Variants in SPAG16 observed in about 807,000 individuals in gnomAD.
The protein encoded by SPAG16 is sperm-associated antigen 16 protein.
A neutral mutation model predicts 80.4 loss-of-function variants in SPAG16; 86 were observed. That is an observed-to-expected ratio of 1.07 (90% CI 0.90 to 1.28). The LOEUF (loss-of-function observed/expected upper bound fraction) is 1.28. SPAG16 is among the 50% of genes most tolerant of loss of function. SPAG16 has a pLI of 0.00. For synonymous variants in SPAG16, 294 were observed against 265.9 expected (o/e 1.11, Z -1.03); for missense variants, 870 against 765.3 (o/e 1.14, Z -1.61).
intron 15 of SPAG16, among the ~76,000 whole-genome samples, chr2:214,269,697 T>C (rs1691850236): frequency 1.3e-5 from 2 of 152,078 alleles, no homozygotes; most frequent in African/African-American, 4.8e-5. Context: ...GTGAAACATA[T>C]GTCATGTAGC....
intron 10 of SPAG16, among the ~76,000 whole-genome samples, chr2:213,651,873 G>T (rs1032558315): frequency 2.6e-5 from 4 of 152,106 alleles, no homozygotes; most frequent in African/African-American, 9.7e-5. Flanking sequence ...ATTCAATCAT[G>T]TGGAAAATAC....
chr2:214,277,465 G>A (rs1692557892), intron 15 of SPAG16, among the ~76,000 whole-genome samples: 1 of 152,128 alleles, frequency 6.6e-6, no homozygotes, highest in Non-Finnish European at 1.5e-5. Flanking sequence ...TACCAATGGG[G>A]TTTTGGTGTG....
chr2:213,308,947 G>T (rs958375592), intron 3 of SPAG16, among the ~76,000 whole-genome samples: 5 of 152,064 alleles, frequency 3.3e-5, no homozygotes, highest in African/African-American at 1.2e-4. Context: ...AAGATCTCTT[G>T]GGGCTGGGAC....
intron 9 of SPAG16, among the ~76,000 whole-genome samples, chr2:213,466,177 G>T (rs769834092): frequency 6.6e-6 from 1 of 152,150 alleles, no homozygotes; most frequent in African/African-American, 2.4e-5. Context: ...TCAGCTTGCA[G>T]ACAGCCTACT....
At chr2:213,706,566 T>C (rs2065759635) in intron 10 of SPAG16, among the ~76,000 whole-genome samples, 1 of 152,328 alleles carries the variant, frequency 6.6e-6, no homozygotes, top group African/African-American at 2.4e-5. Context: ...TCTCCTTAGC[T>C]CCCATTTTTG....
chr2:214,214,027 C>G lies in SPAG16; in HGVS notation c.1720+64761C>G, dbSNP rs1472483044. ...TTTGTGATAGAACTCGGGCTCTCTT[C>G]TCAAACCTACATTCCCACTATTCCA... On this transcript the variant is annotated intron_variant, in intron 15 of 15. Transcript: ENST00000331683. 2.0e-5 allele frequency among the ~76,000 whole-genome samples: 3 copies of G among 152,110 alleles called. No homozygotes were observed. In the East Asian group the frequency reaches 5.8e-4, roughly 29 times the overall value.
intron 9 of SPAG16, among the ~76,000 whole-genome samples, chr2:213,395,765 C>A (rs2067997707): frequency 6.6e-6 from 1 of 151,684 alleles, no homozygotes; most frequent in Non-Finnish European, 1.5e-5. Context: ...AGTTTAGTTA[C>A]CAGGGAAGAA....
chr2:213,759,417 A>G (rs1186726551), intron 10 of SPAG16, among the ~76,000 whole-genome samples: 1 of 152,090 alleles, frequency 6.6e-6, no homozygotes, highest in Non-Finnish European at 1.5e-5. Flanking sequence ...GAGACTAATG[A>G]ATTTAAAATA....
At chr2:213,579,974 A>C (rs2060249291) in intron 10 of SPAG16, among the ~76,000 whole-genome samples, 1 of 152,256 alleles carries the variant, frequency 6.6e-6, no homozygotes, top group East Asian at 1.9e-4. Context: ...TGGGGTTCAA[A>C]ACATACTATA....
intron 11 of SPAG16, among the ~76,000 whole-genome samples, chr2:213,893,404 T>C (rs190647821): frequency 1.1e-3 from 166 of 152,304 alleles, no homozygotes; most frequent in Non-Finnish European, 1.5e-3. Context: ...ATTAAGTGCA[T>C]GGCCAAACCC....
chr2:213,778,939 A>G (rs1220354864), intron 10 of SPAG16, among the ~76,000 whole-genome samples: 3 of 152,170 alleles, frequency 2.0e-5, no homozygotes, highest in African/African-American at 7.2e-5. Flanking sequence ...TCTGCTCCCC[A>G]TAAACTAATG....
At chr2:214,102,245 G>C (rs1285090238) in intron 13 of SPAG16, among the ~76,000 whole-genome samples, 3 of 151,816 alleles carry the variant, frequency 2.0e-5, no homozygotes, top group Non-Finnish European at 4.4e-5. Context: ...GAGTGGATGA[G>C]TTTGTCTTGT....
chr2:213,925,011 C>T (rs1057000890), intron 11 of SPAG16, among the ~76,000 whole-genome samples: 1 of 151,952 alleles, frequency 6.6e-6, no homozygotes, highest in African/African-American at 2.4e-5. Context: ...TGCTCTATTA[C>T]TATTCTTATA....
chr2:213,902,050 T>G (rs1193903000), intron 11 of SPAG16, among the ~76,000 whole-genome samples: 2 of 152,184 alleles, frequency 1.3e-5, no homozygotes, highest in Non-Finnish European at 2.9e-5. Flanking sequence ...CAGCTGGGTT[T>G]TCATATTTAG....
chr2:213,427,549 T>A (rs1018945463), intron 9 of SPAG16, among the ~76,000 whole-genome samples: 1 of 152,224 alleles, frequency 6.6e-6, no homozygotes, highest in Admixed American at 6.5e-5. Context: ...ACTCATTCTA[T>A]ATGCAATACA....
At chr2:213,622,641 C>T (rs1253550475) in intron 10 of SPAG16, among the ~76,000 whole-genome samples, 1 of 152,164 alleles carries the variant, frequency 6.6e-6, no homozygotes, top group Non-Finnish European at 1.5e-5. Flanking sequence ...AACCTGTGTT[C>T]AAAGCCAAGG....
intron 15 of SPAG16, among the ~76,000 whole-genome samples, chr2:214,186,081 A>T (rs762468496): frequency 3.0e-4 from 45 of 152,288 alleles, no homozygotes; most frequent in Non-Finnish European, 6.2e-4. Context: ...GATAACAAAG[A>T]ATATGAGCTG....
rs1410884802 is a variant in SPAG16 at position 213,317,231 on chromosome 2, A to G, written c.411A>G (p.Ile137Met). Reference sequence around the variant, plus strand: ...GATTTTATCCTAGGTATGAGTTAATACAGAAAGGAGTGACTGAACTTAGAA... The same window carrying G: ...GATTTTATCCTAGGTATGAGTTAATGCAGAAAGGAGTGACTGAACTTAGAA... ...DCFQSEWYEL[I>M]QKGVTELRTV... Residue 137 changes from isoleucine (I) to methionine (M), a missense_variant, in exon 5 of 16, where the codon ATA (isoleucine) becomes ATG (methionine). Transcript: ENST00000331683. The G allele has an allele frequency of 1.3e-6, 2 of 1,595,226 alleles. No homozygotes were observed. The highest frequency in any genetic ancestry group is 1.7e-6 in the Non-Finnish European group (2 of 1,170,188).
intron 10 of SPAG16, among the ~76,000 whole-genome samples, chr2:213,766,164 T>C (rs916231747): frequency 6.6e-6 from 1 of 152,204 alleles, no homozygotes; most frequent in Non-Finnish European, 1.5e-5. Context: ...TATTGTATGA[T>C]TCCATTTACT....
Sources: gnomAD v4.1 joint callset for allele counts (sites outside exome capture counted in the v4.1 genomes callset) on GRCh38, gnomAD v4.1.1 for gene constraint, MANE v1.5 for transcripts, NCBI Gene and HGNC (gene_info 2026-07-23, HGNC 2026-07-21) for gene names.